Variants in ARHGEF18 observed in about 807,000 individuals in gnomAD.
ARHGEF18 encodes rho guanine nucleotide exchange factor 18.
In ARHGEF18, 93 loss-of-function variants were observed where a neutral mutation model predicts 155.7. The ratio of observed to expected loss-of-function variants is 0.60; its 90% CI spans 0.50 to 0.71. The LOEUF (loss-of-function observed/expected upper bound fraction) is 0.71. Among genes scored for constraint, ARHGEF18 ranks in the 30% least tolerant of loss-of-function variants. The pLI, the probability that ARHGEF18 is intolerant of heterozygous loss-of-function variation, is 0.00. For synonymous variants in ARHGEF18, 742 were observed against 753.1 expected, an observed-to-expected ratio of 0.99 and a Z score of 0.24; for missense variants, 1,593 against 1,816.1, an observed-to-expected ratio of 0.88 and a Z score of 2.23.
intron 2 of ARHGEF18, among the ~76,000 whole-genome samples, chr19:7,368,455 G>A (rs1018244071): frequency 7.9e-5 from 12 of 152,124 alleles, no homozygotes; most frequent in Admixed American, 2.0e-4. Flanking sequence ...CCCAAGATAT[G>A]TCAGAACAAA....
intron 3 of ARHGEF18, among the ~76,000 whole-genome samples, chr19:7,375,257 G>A (rs1970380412): frequency 7.5e-6 from 1 of 132,780 alleles, no homozygotes; most frequent in Non-Finnish European, 1.5e-5. Context: ...GGGTGACAGA[G>A]TGAGACTCTG....
At chr19:7,362,147 AG>A (rs1969632891) in intron 1 of ARHGEF18, among the ~76,000 whole-genome samples, 1 of 41,066 alleles carries the variant, frequency 2.4e-5, no homozygotes, top group African/African-American at 1.8e-4. Context: ...GAGAAGGAGA[AG>A]GAGAAGGAGG....
At chr19:7,386,678 A>G (rs762928964) in intron 10 of ARHGEF18, among the ~76,000 whole-genome samples, 3 of 151,924 alleles carry the variant, frequency 2.0e-5, no homozygotes, top group Admixed American at 6.6e-5. Flanking sequence ...TGGAGGTAGA[A>G]GAGGTCTGTC....
intron 10 of ARHGEF18, among the ~76,000 whole-genome samples, chr19:7,437,339 T>C (rs1974324659): frequency 7.0e-6 from 1 of 142,410 alleles, no homozygotes; most frequent in South Asian, 2.3e-4. Flanking sequence ...GGAGAATCGC[T>C]TGAACCTGGG....
chr19:7,428,363 A>T (rs927984292), intron 10 of ARHGEF18, among the ~76,000 whole-genome samples: 2 of 152,004 alleles, frequency 1.3e-5, no homozygotes, highest in African/African-American at 4.8e-5. Flanking sequence ...TTCACCTTCC[A>T]GCAGAACCTG....
At position 7,396,725 on chromosome 19, in the gene ARHGEF18, A is replaced by AG. The variant is rs1600289303; in HGVS notation, c.967+13523dup. Reference sequence around the variant, plus strand: ...CAAGACTGTCTAAAAAAAAAAAAAAAGAAGTGTCAGGAGCACAGGCTTGAG... The same window carrying AG: ...CAAGACTGTCTAAAAAAAAAAAAAAAGGAAGTGTCAGGAGCACAGGCTTGAG... On this transcript the variant is annotated intron_variant, in intron 10 of 28. Transcript: ENST00000668164. Among the ~76,000 whole-genome samples the AG allele has an allele frequency of 2.0e-5, 3 of 151,204 alleles. No homozygotes were observed. The East Asian group carries it at 5.8e-4, about 29-fold the overall frequency.
intron 10 of ARHGEF18, among the ~76,000 whole-genome samples, chr19:7,392,240 C>CAAAAAAA (rs3997574): frequency 2.8e-5 from 2 of 72,042 alleles, no homozygotes; most frequent in African/African-American, 4.9e-5. Context: ...GACTCCGTCT[C>CAAAAAAA]AAAAAAAAAA....
rs1256369505 is a variant in ARHGEF18 at position 7,440,321 on chromosome 19, C to T, written c.968-23C>T. On this transcript the variant is annotated intron_variant, in intron 10 of 28. Transcript: ENST00000668164. This position sits in a 1 kb window ranked among gnomAD's most constrained non-coding sequence, Gnocchi z 5.4. ...ACCCGACCCACTTTCTCAGCACCAA[C>T]TCTGTCCTTGCCTCTGTCACAGCCT... 1 of 1,608,486 alleles carries T rather than the reference C, an allele frequency of 6.2e-7. No individual in the cohort carries two copies. Among genetic ancestry groups the T allele is most frequent in the Non-Finnish European group, 8.5e-7 (1 of 1,177,618 alleles).
rs78885217 is a variant in ARHGEF18, at chr19:7,372,879, A to G, written c.83A>G (p.Gln28Arg). The G allele has an allele frequency of 2.8e-3, 3,477 of 1,234,486 alleles. 145 individuals are homozygous for G. The East Asian group carries it at 0.084, about 30-fold the overall frequency. The allele number at this position is 1,234,486 out of a possible 1,614,324, so 76.5% of individuals were successfully genotyped here. ...EDLSLDLGAL[Q>R]GSEYLQDLGL... The stretch of plus-strand genomic sequence containing the variant: ...CTCAGCCTGGATTTGGGGGCCCTTC[A>G]GGGCAGCGAGTATCTGCAGGACCTG... The change falls in exon 3 of 29, where the codon CAG becomes CGG. Residue 28 changes from glutamine (Q) to arginine (R), a missense_variant. Gln to Arg is a conservative substitution (Grantham distance 43). Transcript: ENST00000668164.
chr19:7,467,173 G>A (rs1180332539), intron 25 of ARHGEF18, 41 bp from the exon 26 acceptor site: 9 of 1,577,142 alleles, frequency 5.7e-6, no homozygotes, highest in African/African-American at 1.3e-5. Context: ...TGGCTGGGGC[G>A]CAGGTGCGGC....
chr19:7,467,271 CG>C lies in ARHGEF18; in HGVS notation c.3070del (p.Glu1024ArgfsTer157). On this transcript the variant is annotated frameshift_variant, in exon 26 of 29. Transcript: ENST00000668164. LOFTEE classifies it high-confidence loss of function. ...VETQRAAIQE[R>X]EKQFRLQSTR... Reference sequence around the variant, plus strand: ...GACGCAGCGGGCTGCCATCCAGGAGCGGGAGAAGCAGTTCCGGCTGCAGTCG... The same window carrying C: ...GACGCAGCGGGCTGCCATCCAGGAGCGGAGAAGCAGTTCCGGCTGCAGTCG... The C allele has an allele frequency of 6.4e-7, 1 of 1,558,300 alleles. No homozygotes were observed. Among genetic ancestry groups the C allele is most frequent in the Non-Finnish European group, 8.7e-7 (1 of 1,154,350 alleles).
chr19:7,399,542 C>T (rs369215705), intron 10 of ARHGEF18, among the ~76,000 whole-genome samples: 1 of 149,984 alleles, frequency 6.7e-6, no homozygotes, highest in African/African-American at 2.5e-5. Context: ...AGTGCAGTGG[C>T]GCGATCTTGG....
intron 16 of ARHGEF18, among the ~76,000 whole-genome samples, 167 bp downstream of exon 16, chr19:7,451,433 G>C (rs2145835618): frequency 7.3e-6 from 1 of 137,516 alleles, no homozygotes; most frequent in South Asian, 2.3e-4. Context: ...TTAAGAGACA[G>C]AGTCTCACTC....
intron 18 of ARHGEF18, among the ~76,000 whole-genome samples, chr19:7,457,837 G>A (rs557815159): frequency 1.4e-4 from 21 of 152,252 alleles, no homozygotes; most frequent in Admixed American, 2.6e-4. Context: ...TGACAGACTA[G>A]AAATACCGGT....
intron 10 of ARHGEF18, among the ~76,000 whole-genome samples, chr19:7,430,028 A>G (rs2145719168): frequency 6.6e-6 from 1 of 151,150 alleles, no homozygotes; most frequent in South Asian, 2.1e-4. Context: ...AAAATTGCAT[A>G]GATAGAAAAG....
chr19:7,474,290 A>G (rs559057350), downstream of ARHGEF18, among the ~76,000 whole-genome samples: 1 of 152,020 alleles, frequency 6.6e-6, no homozygotes, highest in Non-Finnish European at 1.5e-5. Flanking sequence ...GTGAGCCGAG[A>G]CTGCACGATT....
chr19:7,383,330 C>T (rs145418363), intron 10 of ARHGEF18, 127 bp downstream of exon 10: 14 of 1,100,618 alleles, frequency 1.3e-5, no homozygotes, highest in East Asian at 6.4e-5. Context: ...CTCTCCTCGG[C>T]GGCTCCCTGG....
chr19:7,431,108 C>T (rs1005781577), intron 10 of ARHGEF18, among the ~76,000 whole-genome samples: 8 of 151,916 alleles, frequency 5.3e-5, no homozygotes, highest in African/African-American at 7.3e-5. Context: ...GAGCCGTGAT[C>T]GTGCCTGTGT....
rs1361764065 is a variant in ARHGEF18, at chr19:7,433,951, G to A, written c.968-6393G>A. 3.3e-5 allele frequency among the ~76,000 whole-genome samples: 5 copies of A among 150,824 alleles called. No homozygotes were observed. The South Asian group carries it at 6.3e-4, about 19-fold the overall frequency. Reference sequence around the variant, plus strand: ...GGAGAATCACTTGAACCTAGGAGGCGGAGGTTGCAGTGAACTGACATCACA... The same window carrying A: ...GGAGAATCACTTGAACCTAGGAGGCAGAGGTTGCAGTGAACTGACATCACA... On this transcript the variant is annotated intron_variant, in intron 10 of 28. Coordinates refer to ENST00000668164, the MANE Select transcript of ARHGEF18 (RefSeq NM_001367823.1).
Sources: gnomAD v4.1 joint callset for allele counts (sites outside exome capture counted in the v4.1 genomes callset) on GRCh38, gnomAD v4.1.1 for gene constraint, Gnocchi (gnomAD v3.1) non-coding constraint, MANE v1.5 for transcripts, NCBI Gene and HGNC (gene_info 2026-07-23, HGNC 2026-07-21) for gene names.